MYOM2: variants seen among roughly 807,000 people sequenced by gnomAD.
The protein encoded by MYOM2 is myomesin 2.
A neutral mutation model predicts 187.6 loss-of-function variants in MYOM2; 254 were observed. The ratio of observed to expected loss-of-function variants is 1.35; its 90% CI spans 1.22 to 1.50. The LOEUF (loss-of-function observed/expected upper bound fraction) is 1.50, where lower values mean the gene tolerates loss of function less well. MYOM2 is among the 40% of genes most tolerant of loss of function. MYOM2 has a pLI of 0.00. For synonymous variants in MYOM2, 981 were observed against 753.8 expected, an observed-to-expected ratio of 1.30 and a Z score of -4.94; for missense variants, 2,796 against 1,924.0, an observed-to-expected ratio of 1.45 and a Z score of -8.48.
chr8:2,115,588 T>C (rs1168890999), intron 25 of MYOM2, among the ~76,000 whole-genome samples: 3 of 152,234 alleles, frequency 2.0e-5, no homozygotes, highest in Non-Finnish European at 2.9e-5. Flanking sequence ...TTGCTATCCA[T>C]GTGGGATTTT....
At position 2,144,579 on chromosome 8, in the gene MYOM2, G is replaced by A. The variant is rs1328098347; in HGVS notation, c.4081-85G>A. ...GAAGGACCAATAAATGTAACTGAGT[G>A]TGACCTGGAGCCCACCGTCCGAGGG... On this transcript the variant is annotated intron_variant, in intron 36 of 36. Transcript: ENST00000262113. 5 of 1,340,068 alleles carry A rather than the reference G, an allele frequency of 3.7e-6. No homozygotes were observed. In the South Asian group the frequency reaches 4.9e-5, roughly 13 times the overall value. The allele number at this position is 1,340,068 out of a possible 1,614,324, so 83.0% of individuals were successfully genotyped here.
At chr8:2,061,458 T>A (rs1186907730) in intron 6 of MYOM2, among the ~76,000 whole-genome samples, 3 of 152,162 alleles carry the variant, frequency 2.0e-5, no homozygotes, top group Admixed American at 6.5e-5. Flanking sequence ...TACCAACTCT[T>A]CCTCTTCCTG....
Position 2,096,376 on chromosome 8 carries a change from T to A in MYOM2, c.2255T>A (p.Val752Asp). ...GGCTACTACCTGGACAAGCGTGAAGTTCACCATAAAAACTGGCACGAGGTC... is the reference window on the plus strand; with the variant it reads ...GGCTACTACCTGGACAAGCGTGAAGATCACCATAAAAACTGGCACGAGGTC... ...ILGYYLDKRE[V>D]HHKNWHEVNS... is the part of the protein sequence containing the mutation. Residue 752 changes from valine (V) to aspartate (D), a missense_variant, in exon 18 of 37, where the codon GTT becomes GAT. Transcript: ENST00000262113. 6.2e-7 allele frequency: 1 copy of A among 1,614,212 alleles called. No individual in the cohort carries two copies.
intron 25 of MYOM2, among the ~76,000 whole-genome samples, chr8:2,111,991 A>G (rs924140881): frequency 1.3e-5 from 2 of 152,250 alleles, no homozygotes; most frequent in African/African-American, 4.8e-5. Context: ...GGAGTGGAGC[A>G]GACTTTATTC....
intron 28 of MYOM2, among the ~76,000 whole-genome samples, chr8:2,118,407 C>G (rs546069576): frequency 2.0e-3 from 300 of 152,266 alleles, no homozygotes; most frequent in African/African-American, 6.9e-3. Context: ...AGCAGCAAAT[C>G]TTCAATTTAA....
chr8:2,092,332 T>C lies in MYOM2; in HGVS notation c.1829-14T>C, dbSNP rs776638675. The C allele has an allele frequency of 6.2e-7, 1 of 1,612,728 alleles. No homozygotes were observed. Among genetic ancestry groups the C allele is most frequent in the Non-Finnish European group, 8.5e-7 (1 of 1,179,432 alleles). On this transcript the variant is annotated splice_polypyrimidine_tract_variant and intron_variant, in intron 15 of 36. Transcript: ENST00000262113. ...TGATGCCATTTCACCACTCCTTTTGTCTCCTACGAAAAGTTGTCCCTTCTG... is the reference window on the plus strand; with the variant it reads ...TGATGCCATTTCACCACTCCTTTTGCCTCCTACGAAAAGTTGTCCCTTCTG...
Position 2,090,112 on chromosome 8 carries a change from C to T in MYOM2, c.1749C>T (p.Phe583=). 2.1e-5 allele frequency: 34 copies of T among 1,614,050 alleles called. No individual in the cohort carries two copies. The highest frequency in any genetic ancestry group is 2.8e-5 in the Non-Finnish European group (33 of 1,180,014). Reference sequence around the variant, plus strand: ...TCATGGAAGGGAAGTCTTATGTGTTCCGAGTGCTGTCAGCAAACCGGCATG... The same window carrying T: ...TCATGGAAGGGAAGTCTTATGTGTTTCGAGTGCTGTCAGCAAACCGGCATG... The part of the protein sequence containing the change: ...FDLMEGKSYV[F]RVLSANRHGL... Residue 583 remains phenylalanine, a synonymous_variant, in exon 15 of 37, where the codon TTC becomes TTT. Coordinates refer to ENST00000262113, the MANE Select transcript of MYOM2 (RefSeq NM_003970.4).
chr8:2,093,948 C>T, intron 16 of MYOM2, 22 bp from the exon 17 acceptor site: 3 of 1,613,162 alleles, frequency 1.9e-6, no homozygotes, highest in Non-Finnish European at 2.5e-6. Context: ...GCAGTTCTGA[C>T]CCTGATCCCT....
chr8:2,090,691 C>T (rs1323503953), intron 15 of MYOM2, among the ~76,000 whole-genome samples: 1 of 152,170 alleles, frequency 6.6e-6, no homozygotes, highest in Non-Finnish European at 1.5e-5. Flanking sequence ...CATCATTTAG[C>T]TCCCACTTAT....
rs777209032 is a variant in MYOM2, at chr8:2,143,442, A to G, written c.4066A>G (p.Ile1356Val). ...CGGCGGCTTGCCTGACGTGGTGACC[A>G]TCATGGAAGGGAAGGTGAGGATTCT... ...LIGGLPDVVTIMEGKTLNLTC... is the reference protein window; with the variant it reads ...LIGGLPDVVTVMEGKTLNLTC... The change falls in exon 36 of 37, where the codon ATC becomes GTC. Residue 1356 changes from isoleucine to valine, a missense_variant. Transcript: ENST00000262113. 3 of 1,614,022 alleles carry G rather than the reference A, an allele frequency of 1.9e-6. No homozygotes were observed. The highest frequency in any genetic ancestry group is 2.5e-6 in the Non-Finnish European group (3 of 1,180,022).
intron 6 of MYOM2, among the ~76,000 whole-genome samples, chr8:2,069,008 A>G (rs1819122037): frequency 6.6e-6 from 1 of 152,218 alleles, no homozygotes; most frequent in African/African-American, 2.4e-5. Context: ...GAGAATGAAC[A>G]AAGGATTTTC....
chr8:2,091,037 G>A (rs1351493131), intron 15 of MYOM2, among the ~76,000 whole-genome samples: 1 of 8,350 alleles, frequency 1.2e-4, no homozygotes, highest in Non-Finnish European at 3.0e-4. Flanking sequence ...TTTTTTTTTT[G>A]GCTCTTTGAG....
intron 3 of MYOM2, among the ~76,000 whole-genome samples, chr8:2,052,624 C>T (rs1818530702): frequency 6.6e-6 from 1 of 152,242 alleles, no homozygotes; most frequent in Admixed American, 6.5e-5. Flanking sequence ...CCCAGCTGGG[C>T]TTAGAGCTCC....
intron 3 of MYOM2, among the ~76,000 whole-genome samples, chr8:2,057,104 AT>A (rs143221821): frequency 2.0e-5 from 3 of 152,136 alleles, no homozygotes; most frequent in Non-Finnish European, 2.9e-5. Flanking sequence ...CACTTCCTGT[AT>A]TTTTTTATTA....
rs573733611 is a variant in MYOM2 at position 2,065,005 on chromosome 8, C to A, written c.654-4273C>A. ...GAGGCCAGAAGGAATCATCTTTGAA[C>A]TTTTGGTTCAGGAATTCAGCTATTA... On this transcript the variant is annotated intron_variant, in intron 6 of 36. Coordinates refer to ENST00000262113, the MANE Select transcript of MYOM2 (RefSeq NM_003970.4). Among the ~76,000 whole-genome samples, 11 of 152,328 alleles carry A rather than the reference C, an allele frequency of 7.2e-5. No individual in the cohort carries two copies. In the South Asian group the frequency reaches 1.7e-3, roughly 23 times the overall value.
chr8:2,120,004 G>C (rs1406262025), intron 28 of MYOM2, among the ~76,000 whole-genome samples: 4 of 152,164 alleles, frequency 2.6e-5, no homozygotes, highest in Admixed American at 1.3e-4. Context: ...AGCCCACAGT[G>C]GGGGGAGTGG....
At chr8:2,080,032 A>G (rs1210922050) in intron 13 of MYOM2, among the ~76,000 whole-genome samples, 1 of 152,230 alleles carries the variant, frequency 6.6e-6, no homozygotes, top group African/African-American at 2.4e-5. Flanking sequence ...ACTGAAATGG[A>G]TTGAGTCTTT....
intron 17 of MYOM2, 108 bp downstream of exon 17, chr8:2,094,199 G>A (rs1796404380): frequency 2.1e-6 from 3 of 1,399,490 alleles, no homozygotes; most frequent in Non-Finnish European, 2.9e-6. Context: ...GGGAAAAGGG[G>A]ACTAAATTCC....
intron 5 of MYOM2, 60 bp downstream of exon 5, chr8:2,057,840 C>T: frequency 6.4e-7 from 1 of 1,571,262 alleles, no homozygotes; most frequent in Admixed American, 1.8e-5. Context: ...TTCAGAAAGA[C>T]CCCAGTTAAG....
Sources: gnomAD v4.1 joint callset for allele counts (sites outside exome capture counted in the v4.1 genomes callset) on GRCh38, gnomAD v4.1.1 for gene constraint, MANE v1.5 for transcripts, NCBI Gene and HGNC (gene_info 2026-07-23, HGNC 2026-07-21) for gene names.